Variants in ATXN7L1 observed in about 807,000 individuals in gnomAD.
The protein encoded by ATXN7L1 is ataxin 7 like 1, also known as ataxin-7-like protein 1.
A neutral mutation model predicts 70.8 loss-of-function variants in ATXN7L1; 15 were observed. The ratio of observed to expected loss-of-function variants is 0.21; its 90% CI spans 0.14 to 0.33. The LOEUF (loss-of-function observed/expected upper bound fraction) is 0.33. ATXN7L1 is among the 10% of genes least tolerant of loss of function. The probability of loss-of-function intolerance (pLI) is 1.00; values close to 1 mark genes in which losing one functional copy is unlikely to be tolerated. For synonymous variants in ATXN7L1, 440 were observed against 445.1 expected (o/e 0.99, Z 0.14); for missense variants, 975 against 1,097.1 (o/e 0.89, Z 1.57).
chr7:105,649,092 A>C (rs1391110431), intron 4 of ATXN7L1, among the ~76,000 whole-genome samples: 2 of 152,210 alleles, frequency 1.3e-5, no homozygotes, highest in Admixed American at 6.5e-5. Context: ...TAAAGGATGC[A>C]TGTGCACACT....
intron 3 of ATXN7L1, chr7:105,761,268 C>T: frequency 6.5e-7 from 1 of 1,545,744 alleles, no homozygotes. Context: ...GGAAGCTTGT[C>T]CACACTTCAG....
chr7:105,873,953 C>T (rs1396850163), intron 2 of ATXN7L1, among the ~76,000 whole-genome samples: 1 of 151,788 alleles, frequency 6.6e-6, no homozygotes, highest in Non-Finnish European at 1.5e-5. Flanking sequence ...GGTGAAACCC[C>T]GTCTCTACTA....
At chr7:105,631,250 ATT>A (rs1215555038) in intron 7 of ATXN7L1, among the ~76,000 whole-genome samples, 1 of 152,226 alleles carries the variant, frequency 6.6e-6, no homozygotes, top group Non-Finnish European at 1.5e-5. Flanking sequence ...CTGGAGAAGT[ATT>A]AACTAACGGG....
chr7:105,649,266 GC>G, intron 4 of ATXN7L1: 2 of 731,416 alleles, frequency 2.7e-6, no homozygotes, highest in Non-Finnish European at 3.3e-6. Flanking sequence ...CAGGGCTGCA[GC>G]CTGTTCCCCT....
At chr7:105,665,408 A>T in intron 3 of ATXN7L1, 120 bp from the exon 4 acceptor site, 1 of 758,102 alleles carries the variant, frequency 1.3e-6, no homozygotes, top group Non-Finnish European at 2.2e-6. Context: ...CAGCACTGGC[A>T]TTCCTGAAGC....
chr7:105,829,267 C>CAAACAAAACA lies in ATXN7L1; in HGVS notation c.251-40569_251-40560dup, dbSNP rs60104616. ...TGAAACGCCATCTCTACTAAAAATA[C>CAAACAAAACA]AAACAAAACAAAACAAAACAAAAAA... On this transcript the variant is annotated intron_variant, in intron 2 of 11. Coordinates refer to ENST00000419735, the MANE Select transcript of ATXN7L1 (RefSeq NM_020725.2). Among the ~76,000 whole-genome samples, 222 of 151,330 alleles carry CAAACAAAACA rather than the reference C, an allele frequency of 1.5e-3. 1 individual carries two copies. Among genetic ancestry groups the CAAACAAAACA allele is most frequent in the African/African-American group, 5.0e-3 (206 of 41,242 alleles).
At chr7:105,799,082 C>G (rs1270521960) in intron 2 of ATXN7L1, among the ~76,000 whole-genome samples, 1 of 152,232 alleles carries the variant, frequency 6.6e-6, no homozygotes, top group African/African-American at 2.4e-5. Context: ...CCTGTCCCAA[C>G]ACAGCATTCT....
At position 105,813,087 on chromosome 7, in the gene ATXN7L1, C is replaced by T. The variant is rs977867112; in HGVS notation, c.251-24379G>A. 4.6e-5 allele frequency among the ~76,000 whole-genome samples: 7 copies of T among 152,274 alleles called. No individual in the cohort carries two copies. The East Asian group carries it at 9.6e-4, about 21-fold the overall frequency. ...CTTGCTCTGACTTCTCCACAGATAC[C>T]GCCTTTCAACTGTTATGAATTTACC... On this transcript the variant is annotated intron_variant, in intron 2 of 11. Transcript: ENST00000419735.
intron 2 of ATXN7L1, among the ~76,000 whole-genome samples, chr7:105,805,848 A>G (rs1807502668): frequency 6.6e-6 from 1 of 152,126 alleles, no homozygotes; most frequent in African/African-American, 2.4e-5. Context: ...GGGAATGAGG[A>G]TGCTGGGGGG....
intron 3 of ATXN7L1, chr7:105,761,533 T>C (rs1395358779): frequency 6.3e-7 from 1 of 1,579,014 alleles, no homozygotes; most frequent in African/African-American, 1.4e-5. Context: ...AAATTATATT[T>C]GTAAATGATT....
chr7:105,619,522 ATATATATATTTTTTTTTTTTTTTTT>A (rs1186419103), intron 9 of ATXN7L1, among the ~76,000 whole-genome samples: 6 of 20,130 alleles, frequency 3.0e-4, no homozygotes, highest in African/African-American at 7.2e-4. Flanking sequence ...ATATATATAT[ATATATATATTTTTTTTTTTTTTTTT>A]TTTTTTTTTT....
chr7:105,717,115 T>C (rs1294555244), intron 3 of ATXN7L1, among the ~76,000 whole-genome samples: 1 of 152,114 alleles, frequency 6.6e-6, no homozygotes, highest in Non-Finnish European at 1.5e-5. Flanking sequence ...TTATAAACAT[T>C]TTTTCATGTT....
At chr7:105,648,611 C>T (rs1269719320) in intron 4 of ATXN7L1, among the ~76,000 whole-genome samples, 2 of 152,214 alleles carry the variant, frequency 1.3e-5, no homozygotes, top group Non-Finnish European at 2.9e-5. Context: ...CCCCCACCTC[C>T]CATACACACA....
At chr7:105,812,638 C>T (rs779273122) in intron 2 of ATXN7L1, among the ~76,000 whole-genome samples, 1 of 152,186 alleles carries the variant, frequency 6.6e-6, no homozygotes. Flanking sequence ...TTACGGCCCA[C>T]TCACTGTACA....
chr7:105,860,070 G>A (rs944624552), intron 2 of ATXN7L1, among the ~76,000 whole-genome samples: 5 of 144,824 alleles, frequency 3.5e-5, no homozygotes, highest in Non-Finnish European at 6.0e-5. Context: ...CATGAGTCAC[G>A]ATGCCTGGCC....
rs1793485717 is a variant in ATXN7L1, at chr7:105,614,158, G to A, written c.2176C>T (p.Pro726Ser). ...CCCACCTGTCTCACTATGTCCGCGG[G>A]GCCGCCGGGCAGCGAGGTCCGTCCT... ...PSGRTSLPGG[P>S]ADIVRQVGAV... Residue 726 changes from proline (P) to serine (S), a missense_variant, in exon 10 of 12, where the codon CCC (proline) becomes TCC (serine). Coordinates refer to ENST00000419735, the MANE Select transcript of ATXN7L1 (RefSeq NM_020725.2). The surrounding 1 kb of genome is among the most constrained non-coding windows in gnomAD (Gnocchi z 4.3). The A allele has an allele frequency of 7.1e-6, 11 of 1,551,528 alleles. No individual in the cohort carries two copies. The highest frequency in any genetic ancestry group is 9.6e-6 in the Non-Finnish European group (11 of 1,147,014).
chr7:105,674,731 T>A (rs1486610834), intron 3 of ATXN7L1, among the ~76,000 whole-genome samples: 1 of 152,252 alleles, frequency 6.6e-6, no homozygotes, highest in Non-Finnish European at 1.5e-5. Context: ...GGATCCTTTT[T>A]AACTTTTCCC....
At chr7:105,769,402 T>C (rs540503849) in intron 3 of ATXN7L1, among the ~76,000 whole-genome samples, 1 of 152,290 alleles carries the variant, frequency 6.6e-6, no homozygotes, top group Admixed American at 6.5e-5. Flanking sequence ...TTGCTGTCTC[T>C]ACTCGTGTTC....
chr7:105,612,991 C>A (rs942563281), intron 10 of ATXN7L1, among the ~76,000 whole-genome samples: 3 of 152,016 alleles, frequency 2.0e-5, no homozygotes, highest in African/African-American at 7.3e-5. Flanking sequence ...CCGGCCCTCT[C>A]GTCAGACCTG....
Sources: allele counts gnomAD v4.1 joint callset (sites outside exome capture counted in the v4.1 genomes callset), GRCh38; gene constraint gnomAD v4.1.1; non-coding constraint Gnocchi (gnomAD v3.1); transcripts MANE v1.5; gene names NCBI Gene and HGNC (gene_info 2026-07-23, HGNC 2026-07-21).